JPT2: variants seen among roughly 807,000 people sequenced by gnomAD.
The protein encoded by JPT2 is CRAMP_1 like.
In JPT2, 9 loss-of-function variants were observed where a neutral mutation model predicts 15.9. The ratio of observed to expected loss-of-function variants is 0.57; its 90% CI spans 0.34 to 0.99. JPT2 has a LOEUF of 0.99. JPT2 is among the 50% of genes least tolerant of loss of function. The pLI, the probability that JPT2 is intolerant of heterozygous loss-of-function variation, is 0.02. For synonymous variants in JPT2, 95 were observed against 91.7 expected (o/e 1.04, Z -0.21); for missense variants, 267 against 252.1 (o/e 1.06, Z -0.40).
chr16:1,700,455 A>G lies in JPT2; in HGVS notation c.*1457A>G, dbSNP rs2037173586. 4.6e-6 allele frequency: 1 copy of G among 219,690 alleles called. No homozygotes were observed. Among genetic ancestry groups the G allele is most frequent in the South Asian group, 6.6e-5 (1 of 15,038 alleles). 13.6% of individuals were successfully genotyped at this position (219,690 alleles called of 1,614,324 possible). On this transcript the variant is annotated 3_prime_UTR_variant, in exon 5 of 5. Coordinates refer to ENST00000248098, the MANE Select transcript of JPT2 (RefSeq NM_144570.3). ...AAAGCTAATGCTTGGTGCTAGAAAC[A>G]TCATCATTATTAAACTTCAGAAAAG...
At chr16:1,689,273 T>A (rs12596839) in intron 2 of JPT2, 52,929 of 151,380 alleles carry the variant, frequency 0.35, 12,780 homozygotes, top group African/African-American at 0.67. Context: ...GCCAGGAACA[T>A]TGCAGTGGGG....
intron 2 of JPT2, among the ~76,000 whole-genome samples, chr16:1,687,652 T>C (rs2037077338): frequency 6.6e-6 from 1 of 152,228 alleles, no homozygotes; most frequent in Non-Finnish European, 1.5e-5. Flanking sequence ...AGCCAGCCTC[T>C]ACTCCTGGTC....
At position 1,678,338 on chromosome 16, in the gene JPT2, G is replaced by T. The variant is rs1285996117; in HGVS notation, c.26G>T (p.Gly9Val). 12 of 1,234,816 alleles carry T rather than the reference G, an allele frequency of 9.7e-6. No homozygotes were observed. Among genetic ancestry groups the T allele is most frequent in the African/African-American group, 1.6e-5 (1 of 64,152 alleles). 76.5% of individuals were successfully genotyped at this position (1,234,816 alleles called of 1,614,324 possible). The change falls in exon 1 of 5, where the codon GGC (glycine) becomes GTC (valine). Residue 9 changes from glycine to valine, a missense_variant. Gly to Val is a moderately radical substitution (Grantham distance 109). Transcript: ENST00000248098. ...ATGTTCCAGGTCCCGGATAGCGAGG[G>T]CGGCCGCGCCGGCTCCAGGTGCGGC... is the stretch of plus-strand genomic sequence containing the variant. MFQVPDSE[G>V]GRAGSRAMKP...
chr16:1,691,851 G>A lies in JPT2; in HGVS notation c.202G>A (p.Gly68Arg). Residue 68 changes from glycine to arginine, a missense_variant, in exon 3 of 5, where the codon GGA becomes AGA. Transcript: ENST00000248098. ...TGTGATCGTTTCTGCAGGGGGTAAAGGAAGTGGTATCTTTGACGAATCAAC... is the reference window on the plus strand; with the variant it reads ...TGTGATCGTTTCTGCAGGGGGTAAAAGAAGTGGTATCTTTGACGAATCAAC... ...PKRTNPPGGK[G>R]SGIFDESTPV... The A allele has an allele frequency of 6.2e-7, 1 of 1,613,754 alleles. No individual in the cohort carries two copies. The highest frequency in any genetic ancestry group is 8.5e-7 in the Non-Finnish European group (1 of 1,179,960).
At chr16:1,694,310 T>C (rs899502419) in intron 3 of JPT2, among the ~76,000 whole-genome samples, 15 of 152,242 alleles carry the variant, frequency 9.9e-5, no homozygotes, top group African/African-American at 3.6e-4. Flanking sequence ...GTCAAAAAAA[T>C]CAAGCTCAAA....
chr16:1,683,692 G>GA, intron 1 of JPT2: 7 of 814,486 alleles, frequency 8.6e-6, no homozygotes, highest in Non-Finnish European at 1.4e-5. Flanking sequence ...TTTATAGCAG[G>GA]AGATCTGAGA....
At chr16:1,696,524 A>C (rs113674826) in intron 3 of JPT2, among the ~76,000 whole-genome samples, 108 of 152,098 alleles carry the variant, frequency 7.1e-4, no homozygotes, top group African/African-American at 2.5e-3. Flanking sequence ...CCGTGTCAAA[A>C]AAAAAAAAAA....
At chr16:1,680,376 C>G (rs147078472) in intron 1 of JPT2, 1 of 1,038,860 alleles carries the variant, frequency 9.6e-7, no homozygotes, top group Non-Finnish European at 1.2e-6. Flanking sequence ...TGCACAGGGC[C>G]GCACTAAAGT....
At chr16:1,684,630 C>A (rs1596505586) in intron 1 of JPT2, among the ~76,000 whole-genome samples, 1 of 151,998 alleles carries the variant, frequency 6.6e-6, no homozygotes, top group East Asian at 1.9e-4. Context: ...ATCCTAGCTA[C>A]GTGGGAGGCT....
In JPT2 at chr16:1,697,837, A is replaced by G; in HGVS notation, c.362A>G (p.Glu121Gly). Residue 121 changes from glutamate (E) to glycine (G), a missense_variant, in exon 4 of 5, where the codon GAA becomes GGA. Coordinates refer to ENST00000248098, the MANE Select transcript of JPT2 (RefSeq NM_144570.3). ...GATCATGTTTTCTTATGTGAAGGAG[A>G]AGAACCAAAATCGGATCTTAAAGGT... is the stretch of plus-strand genomic sequence containing the variant. ...PKDHVFLCEG[E>G]EPKSDLKAAR... The G allele has an allele frequency of 6.2e-7, 1 of 1,613,946 alleles. No homozygotes were observed. Among genetic ancestry groups the G allele is most frequent in the East Asian group, 2.2e-5 (1 of 44,872 alleles).
chr16:1,683,306 C>T (rs915661501), intron 1 of JPT2, among the ~76,000 whole-genome samples: 27 of 151,584 alleles, frequency 1.8e-4, no homozygotes, highest in Non-Finnish European at 3.8e-4. Flanking sequence ...GAGACAGGGT[C>T]TCCCCATATG....
At position 1,700,844 on chromosome 16, in the gene JPT2, C is replaced by T. The variant is rs1380650900; in HGVS notation, c.*1846C>T. ...CGTGACGGTACTGGGCCCTGTGATTCTCCCAGCCCTTGCAGTCCGCTAGGT... is the reference window on the plus strand; with the variant it reads ...CGTGACGGTACTGGGCCCTGTGATTTTCCCAGCCCTTGCAGTCCGCTAGGT... On this transcript the variant is annotated 3_prime_UTR_variant, in exon 5 of 5. Coordinates refer to ENST00000248098, the MANE Select transcript of JPT2 (RefSeq NM_144570.3). 6.6e-6 allele frequency: 1 copy of T among 152,236 alleles called. No homozygotes were observed. Among genetic ancestry groups the T allele is most frequent in the Non-Finnish European group, 1.5e-5 (1 of 68,062 alleles). The allele number at this position is 152,236 out of a possible 1,614,324, so 9.4% of individuals were successfully genotyped here.
chr16:1,684,378 A>C (rs2037047910), intron 1 of JPT2, among the ~76,000 whole-genome samples: 1 of 152,178 alleles, frequency 6.6e-6, no homozygotes, highest in Admixed American at 6.5e-5. Flanking sequence ...TTTAATGTAG[A>C]TAGTGCTCTA....
Position 1,685,569 on chromosome 16 carries a change from A to C in JPT2, c.175A>C (p.Lys59Gln), listed in dbSNP as rs781732934. The C allele has an allele frequency of 6.2e-7, 1 of 1,614,066 alleles. No individual in the cohort carries two copies. The highest frequency in any genetic ancestry group is 2.2e-5 in the East Asian group (1 of 44,878). ...AACAGAAGAACCTCAGAACATACCC[A>C]AGAGGACAAATCCCCCAGGTATGGG... ...GPTEEPQNIP[K>Q]RTNPPGGKGS... The change falls in exon 2 of 5, where the codon AAG becomes CAG. Residue 59 changes from lysine (K) to glutamine (Q), a missense_variant. Physicochemically the swap from Lys to Gln is moderately conservative, Grantham distance 53. Coordinates refer to ENST00000248098, the MANE Select transcript of JPT2 (RefSeq NM_144570.3).
chr16:1,693,510 T>C (rs2235490), intron 3 of JPT2, among the ~76,000 whole-genome samples: 53,450 of 152,052 alleles, frequency 0.35, 12,896 homozygotes, highest in African/African-American at 0.67. Context: ...GCAATTCCTC[T>C]ACTACGTAAA....
chr16:1,679,520 A>C (rs1222604855), intron 1 of JPT2, among the ~76,000 whole-genome samples: 1 of 151,164 alleles, frequency 6.6e-6, no homozygotes, highest in Non-Finnish European at 1.5e-5. Flanking sequence ...ACATGGTGAA[A>C]CCCCCGTCTC....
At chr16:1,693,749 G>A (rs1365677575) in intron 3 of JPT2, among the ~76,000 whole-genome samples, 1 of 151,538 alleles carries the variant, frequency 6.6e-6, no homozygotes, top group Non-Finnish European at 1.5e-5. Flanking sequence ...CAGGGTCAGG[G>A]AATATACAAA....
rs527869319 is a variant in JPT2 at position 1,702,071 on chromosome 16, G to A, written c.*3073G>A. ...AAAAAATAAAATAAAAAACAGATTG[G>A]ATGTCTTTCTTCTGATGTATTAGCT... On this transcript the variant is annotated 3_prime_UTR_variant, in exon 5 of 5. Coordinates refer to ENST00000248098, the MANE Select transcript of JPT2 (RefSeq NM_144570.3). The A allele has an allele frequency of 5.3e-5, 24 of 450,928 alleles. No homozygotes were observed. Among genetic ancestry groups the A allele is most frequent in the African/African-American group, 4.0e-4 (20 of 49,920 alleles). 27.9% of individuals were successfully genotyped at this position (450,928 alleles called of 1,614,324 possible). A position where few individuals can be genotyped will look rare whatever the true frequency, so the allele number is the denominator to read the frequency against.
chr16:1,697,210 G>A (rs1454443620), intron 3 of JPT2, among the ~76,000 whole-genome samples: 1 of 152,206 alleles, frequency 6.6e-6, no homozygotes, highest in East Asian at 1.9e-4. Context: ...TATTATGCCA[G>A]TATTTAAAAA....
Sources: gnomAD v4.1 joint callset for allele counts (sites outside exome capture counted in the v4.1 genomes callset) on GRCh38, gnomAD v4.1.1 for gene constraint, MANE v1.5 for transcripts, NCBI Gene and HGNC (gene_info 2026-07-23, HGNC 2026-07-21) for gene names.